The following FOXP2 variants were observed in gnomAD, a reference collection of about 807,000 sequenced individuals.
FOXP2 encodes the protein forkhead box P2.
FOXP2 carries 12 observed loss-of-function variants against 115.8 expected under a neutral mutation model. The observed-to-expected ratio is 0.10, with a 90% confidence interval of 0.07 to 0.17. The LOEUF (loss-of-function observed/expected upper bound fraction) is 0.17, where lower values mean the gene tolerates loss of function less well. Ranked by LOEUF, FOXP2 falls within the 10% of genes least tolerant of loss-of-function variation. The pLI is 1.00. For synonymous variants in FOXP2, 328 were observed against 297.7 expected, an observed-to-expected ratio of 1.10 and a Z score of -1.05; for missense variants, 629 against 843.5, an observed-to-expected ratio of 0.75 and a Z score of 3.15.
intron 2 of FOXP2, among the ~76,000 whole-genome samples, chr7:114,376,431 A>C (rs922184815): frequency 2.0e-5 from 3 of 152,218 alleles, no homozygotes; most frequent in African/African-American, 7.2e-5. Flanking sequence ...TAAATGAACA[A>C]TATGTGAGAG....
Position 114,198,457 on chromosome 7 carries a change from G to T in FOXP2, c.-102+35369G>T, listed in dbSNP as rs181544897. Among the ~76,000 whole-genome samples, 675 of 152,302 alleles carry T rather than the reference G, an allele frequency of 4.4e-3. 8 individuals are homozygous for T. The highest frequency in any genetic ancestry group is 4.0e-3 in the Non-Finnish European group (269 of 68,028). On this transcript the variant is annotated intron_variant, in intron 1 of 17. Transcript: ENST00000634411. ...TAGGGGATAGGGCTGATGGTTTCAT[G>T]ATGAAACTTGGTTCCATCTGAGATC...
chr7:114,579,258 G>A (rs998620721), intron 3 of FOXP2, among the ~76,000 whole-genome samples: 1 of 152,166 alleles, frequency 6.6e-6, no homozygotes. Context: ...GACACTCAAT[G>A]TATAAAGCCC....
At chr7:114,370,262 T>A (rs1791972389) in intron 2 of FOXP2, among the ~76,000 whole-genome samples, 1 of 152,232 alleles carries the variant, frequency 6.6e-6, no homozygotes, top group Admixed American at 6.5e-5. Context: ...TGTACTTGCA[T>A]GGTTCATTAA....
chr7:114,495,538 C>G (rs1436470664), intron 2 of FOXP2, among the ~76,000 whole-genome samples: 1 of 115,068 alleles, frequency 8.7e-6, no homozygotes, highest in Non-Finnish European at 1.7e-5. Context: ...AGAGTTTCAC[C>G]CTTGTTGCCC....
chr7:114,137,739 GA>G (rs1486903665), intron 1 of FOXP2, among the ~76,000 whole-genome samples: 1 of 152,144 alleles, frequency 6.6e-6, no homozygotes, highest in African/African-American at 2.4e-5. Flanking sequence ...GAAGAGTCTA[GA>G]AAAGCCCATG....
At position 114,320,983 on chromosome 7, in the gene FOXP2, C is replaced by T. The variant is rs867242567; in HGVS notation, c.-11+32874C>T. On this transcript the variant is annotated intron_variant, in intron 2 of 17. Transcript: ENST00000634411. ...ATTAAATATAAAATTAAAAATTCTACGGGAAATAATTTGCTTTGGATTATT... is the reference window on the plus strand; with the variant it reads ...ATTAAATATAAAATTAAAAATTCTATGGGAAATAATTTGCTTTGGATTATT... Among the ~76,000 whole-genome samples, 14 of 152,148 alleles carry T rather than the reference C, an allele frequency of 9.2e-5. No individual in the cohort carries two copies. The South Asian group carries it at 1.0e-3, about 11-fold the overall frequency.
chr7:114,648,508 C>A (rs183792161), intron 8 of FOXP2, among the ~76,000 whole-genome samples: 177 of 152,128 alleles, frequency 1.2e-3, no homozygotes, highest in African/African-American at 3.9e-3. Context: ...TATGAAAAAT[C>A]CAGAGGTTAA....
At chr7:114,161,503 T>C (rs187272698), upstream of FOXP2, among the ~76,000 whole-genome samples, 188 of 149,686 alleles carry the variant, frequency 1.3e-3, no homozygotes, top group African/African-American at 4.5e-3. Context: ...ATATAGATGT[T>C]TTTTGGCTTT....
chr7:114,362,961 C>T (rs913251927), intron 2 of FOXP2, among the ~76,000 whole-genome samples: 6 of 151,784 alleles, frequency 4.0e-5, no homozygotes, highest in African/African-American at 1.2e-4. Context: ...ATAGCAGAGG[C>T]CCTATCATTT....
At position 114,380,481 on chromosome 7, in the gene FOXP2, G is replaced by T. The variant is rs1172683820; in HGVS notation, c.-10-46021G>T. ...TTTTTCTACAAAGGAACTTCCATTA[G>T]TATACAAGTTGAGGTCGGGATCAGT... On this transcript the variant is annotated intron_variant, in intron 2 of 17. Transcript: ENST00000634411. Among the ~76,000 whole-genome samples, 4 of 152,152 alleles carry T rather than the reference G, an allele frequency of 2.6e-5. No homozygotes were observed. In the East Asian group the frequency reaches 7.7e-4, roughly 29 times the overall value.
intron 2 of FOXP2, among the ~76,000 whole-genome samples, chr7:114,290,082 G>A (rs1796556452): frequency 6.6e-6 from 1 of 151,724 alleles, no homozygotes; most frequent in South Asian, 2.1e-4. Context: ...TCTGTTTATT[G>A]TATTCTTGTG....
At chr7:114,451,119 GA>G (rs942014410) in intron 2 of FOXP2, among the ~76,000 whole-genome samples, 19 of 152,022 alleles carry the variant, frequency 1.2e-4, no homozygotes, top group Admixed American at 1.2e-3. Context: ...AATAAAATTG[GA>G]AAACATTAAT....
At chr7:114,591,862 A>G (rs1051817733) in intron 3 of FOXP2, among the ~76,000 whole-genome samples, 1 of 152,066 alleles carries the variant, frequency 6.6e-6, no homozygotes, top group Non-Finnish European at 1.5e-5. Context: ...AGTATATTCT[A>G]TATCTGTGGT....
At chr7:114,521,505 C>A (rs1798623022) in intron 2 of FOXP2, among the ~76,000 whole-genome samples, 1 of 140,240 alleles carries the variant, frequency 7.1e-6, no homozygotes. Flanking sequence ...TGTACTCCAG[C>A]CTGGGCAAAA....
intron 2 of FOXP2, among the ~76,000 whole-genome samples, chr7:114,520,786 C>G (rs1008670396): frequency 6.6e-6 from 1 of 152,014 alleles, no homozygotes; most frequent in African/African-American, 2.4e-5. Context: ...ATAATGTATA[C>G]TATGGAGTAT....
chr7:114,120,809 C>A (rs1440536852), intron 1 of FOXP2, among the ~76,000 whole-genome samples: 2 of 151,948 alleles, frequency 1.3e-5, no homozygotes. Flanking sequence ...GAAACTGAGT[C>A]ACAGACGTTC....
At chr7:114,546,419 C>T (rs1799928401) in intron 3 of FOXP2, among the ~76,000 whole-genome samples, 1 of 152,252 alleles carries the variant, frequency 6.6e-6, no homozygotes, top group South Asian at 2.1e-4. Context: ...ATGACTTAAT[C>T]CTTACTGCTC....
At chr7:114,515,035 A>G (rs1798262346) in intron 2 of FOXP2, among the ~76,000 whole-genome samples, 2 of 151,444 alleles carry the variant, frequency 1.3e-5, no homozygotes, top group African/African-American at 4.9e-5. Context: ...TGTCCCTACA[A>G]AGGACATGAA....
intron 16 of FOXP2, among the ~76,000 whole-genome samples, chr7:114,675,704 A>G (rs879386533): frequency 9.9e-5 from 15 of 152,156 alleles, no homozygotes; most frequent in Admixed American, 2.0e-4. Flanking sequence ...ATCTTTTTAC[A>G]GCATTTTTTT....
Sources: allele counts gnomAD v4.1 joint callset (sites outside exome capture counted in the v4.1 genomes callset), GRCh38; gene constraint gnomAD v4.1.1; transcripts MANE v1.5; gene names NCBI Gene and HGNC (gene_info 2026-07-23, HGNC 2026-07-21).